The following RNF111 variants were observed in gnomAD, a reference collection of about 807,000 sequenced individuals.
RNF111 encodes E3 ubiquitin-protein ligase Arkadia.
A neutral mutation model predicts 95.1 loss-of-function variants in RNF111; 17 were observed. The ratio of observed to expected loss-of-function variants is 0.18; its 90% CI spans 0.12 to 0.27. RNF111 has a LOEUF of 0.27. Ranked by LOEUF, RNF111 falls within the 10% of genes least tolerant of loss-of-function variation. RNF111 has a pLI of 1.00. For synonymous variants in RNF111, 440 were observed against 414.8 expected (o/e 1.06, Z -0.74); for missense variants, 1,189 against 1,210.4 (o/e 0.98, Z 0.26).
At chr15:58,991,189 G>T (rs1468587486) in intron 1 of RNF111, among the ~76,000 whole-genome samples, 1 of 151,954 alleles carries the variant, frequency 6.6e-6, no homozygotes, top group African/African-American at 2.4e-5. Flanking sequence ...AATCCTGGCT[G>T]CTCAAGAGGG....
intron 5 of RNF111, among the ~76,000 whole-genome samples, chr15:59,064,105 A>G (rs2042552871): frequency 1.3e-5 from 2 of 152,232 alleles, no homozygotes. Context: ...TAGCCCTAAA[A>G]GACTTTTGAT....
intron 1 of RNF111, among the ~76,000 whole-genome samples, chr15:58,996,914 T>C (rs1436540810): frequency 6.6e-6 from 1 of 152,180 alleles, no homozygotes; most frequent in Admixed American, 6.5e-5. Flanking sequence ...ATCTCCTAGT[T>C]GTACTGCTTA....
chr15:59,020,548 G>C (rs1039528281), intron 1 of RNF111, among the ~76,000 whole-genome samples: 3 of 152,138 alleles, frequency 2.0e-5, no homozygotes, highest in Non-Finnish European at 4.4e-5. Context: ...GTAACATATT[G>C]AACTTCACCC....
chr15:59,058,271 A>T, intron 4 of RNF111, 85 bp from the exon 5 acceptor site: 2 of 1,103,288 alleles, frequency 1.8e-6, no homozygotes, highest in African/African-American at 3.2e-5. Context: ...TTATTTATTA[A>T]TTATAAACAC....
At chr15:59,036,443 C>T (rs1268275850) in intron 2 of RNF111, among the ~76,000 whole-genome samples, 3 of 152,146 alleles carry the variant, frequency 2.0e-5, no homozygotes, top group Non-Finnish European at 2.9e-5. Context: ...CGTGGCAGGT[C>T]ATTGAGGAGC....
rs1347154812 is a variant in RNF111, at chr15:59,095,062, A to G, written c.*162A>G. The G allele has an allele frequency of 1.6e-6, 1 of 632,504 alleles. No homozygotes were observed. Among genetic ancestry groups the G allele is most frequent in the Non-Finnish European group, 2.8e-6 (1 of 353,336 alleles). 39.2% of individuals were successfully genotyped at this position (632,504 alleles called of 1,614,324 possible). ...CTAATGCTAGACCTACAGTTTATGT[A>G]TACAGTTGATTTTGATGTATTTATA... On this transcript the variant is annotated 3_prime_UTR_variant, in exon 14 of 14. Transcript: ENST00000348370.
chr15:59,012,984 C>T (rs1209493075), intron 1 of RNF111, among the ~76,000 whole-genome samples: 3 of 152,046 alleles, frequency 2.0e-5, no homozygotes, highest in African/African-American at 7.3e-5. Flanking sequence ...GGTGATCCAC[C>T]TGCCTTGGCC....
chr15:59,048,207 A>C (rs375439852), intron 2 of RNF111, among the ~76,000 whole-genome samples: 23 of 152,312 alleles, frequency 1.5e-4, no homozygotes, highest in African/African-American at 5.3e-4. Flanking sequence ...GCAAAACCCA[A>C]ATGTCCATCA....
intron 7 of RNF111, among the ~76,000 whole-genome samples, chr15:59,078,837 C>T (rs956016162): frequency 2.1e-5 from 3 of 144,588 alleles, no homozygotes; most frequent in Non-Finnish European, 4.5e-5. Context: ...CCAGCCTGGG[C>T]GATAGAGCGA....
chr15:59,062,743 A>G (rs12910879), intron 5 of RNF111, among the ~76,000 whole-genome samples: 1,889 of 152,312 alleles, frequency 0.012, 27 homozygotes, highest in East Asian at 0.042. Context: ...CCAAGGTTAT[A>G]TGATAGTGGA....
chr15:59,048,132 A>G (rs529529999), intron 2 of RNF111, among the ~76,000 whole-genome samples: 46 of 152,320 alleles, frequency 3.0e-4, no homozygotes, highest in African/African-American at 1.0e-3. Context: ...ATGAAAGCAC[A>G]TGTTTGTAGG....
chr15:59,027,595 C>T (rs1447971470), intron 1 of RNF111, among the ~76,000 whole-genome samples: 1 of 151,580 alleles, frequency 6.6e-6, no homozygotes, highest in Non-Finnish European at 1.5e-5. Context: ...ATGGCGCAAT[C>T]TCGGCTCACT....
chr15:59,030,052 G>T (rs140407630), intron 1 of RNF111, among the ~76,000 whole-genome samples: 1 of 152,046 alleles, frequency 6.6e-6, no homozygotes, highest in African/African-American at 2.4e-5. Flanking sequence ...TTTAAATTCA[G>T]ATCTCTTTTT....
At chr15:59,084,073 GAAAT>G in intron 8 of RNF111, 52 bp from the exon 9 acceptor site, 1 of 1,497,064 alleles carries the variant, frequency 6.7e-7, no homozygotes, top group Non-Finnish European at 8.9e-7. Context: ...ATTAAGAAAA[GAAAT>G]AACCAATTAT....
chr15:59,094,790 C>T lies in RNF111; in HGVS notation c.2851C>T (p.Pro951Ser). The T allele has an allele frequency of 1.2e-6, 2 of 1,600,176 alleles. No homozygotes were observed. Among genetic ancestry groups the T allele is most frequent in the Non-Finnish European group, 8.6e-7 (1 of 1,167,564 alleles). Residue 951 changes from proline (P) to serine (S), a missense_variant, in exon 14 of 14, where the codon CCA becomes TCA. This residue lies in a region of RNF111 where 165 missense variants were observed against 284.6 expected (regional missense o/e 0.58). Coordinates refer to ENST00000348370, the MANE Select transcript of RNF111 (RefSeq NM_017610.8). The stretch of plus-strand genomic sequence containing the variant: ...TTTTCTTGCCAATAATAGACGTCTT[C>T]CATGTATGCACCTTTTCCACCAAGT... Reference protein sequence around the residue: ...LEEGEDVRRLPCMHLFHQVCV... With the variant: ...LEEGEDVRRLSCMHLFHQVCV...
At chr15:59,068,714 C>G (rs1377694249) in intron 6 of RNF111, among the ~76,000 whole-genome samples, 4 of 152,060 alleles carry the variant, frequency 2.6e-5, no homozygotes, top group Admixed American at 2.6e-4. Context: ...GTCACCCGAC[C>G]TTTCCTAAAG....
At chr15:58,992,790 A>T (rs2038876646) in intron 1 of RNF111, among the ~76,000 whole-genome samples, 2 of 152,178 alleles carry the variant, frequency 1.3e-5, no homozygotes, top group South Asian at 4.1e-4. Context: ...ACTGCATTCC[A>T]GCCTCGGTGA....
At position 58,989,665 on chromosome 15, in the gene RNF111, G is replaced by C. The variant is rs1020093517; in HGVS notation, c.-20+1597G>C. Among the ~76,000 whole-genome samples the C allele has an allele frequency of 3.3e-5, 5 of 152,162 alleles. 1 individual carries two copies. The highest frequency in any genetic ancestry group is 1.2e-4 in the African/African-American group (5 of 41,430). On this transcript the variant is annotated intron_variant, in intron 1 of 13. Coordinates refer to ENST00000348370, the MANE Select transcript of RNF111 (RefSeq NM_017610.8). ...TTTTGGTGAAAAATGCATTACAGCAGAGGTTACATCTTAACGAATTTCACT... is the reference window on the plus strand; with the variant it reads ...TTTTGGTGAAAAATGCATTACAGCACAGGTTACATCTTAACGAATTTCACT...
At chr15:59,004,140 C>A in intron 1 of RNF111, 1 of 1,210,732 alleles carries the variant, frequency 8.3e-7, no homozygotes, top group Non-Finnish European at 1.1e-6. Context: ...TGTTTTTTCC[C>A]TCATAGATGG....
Sources: gnomAD v4.1 joint callset for allele counts (sites outside exome capture counted in the v4.1 genomes callset) on GRCh38, gnomAD v4.1.1 for gene constraint, gnomAD v4.1.1 regional missense constraint, MANE v1.5 for transcripts, NCBI Gene and HGNC (gene_info 2026-07-23, HGNC 2026-07-21) for gene names.